The following CHD8 variants were observed in gnomAD, a reference collection of about 807,000 sequenced individuals.
The protein encoded by CHD8 is chromodomain helicase DNA binding protein 8.
CHD8 carries 31 observed loss-of-function variants against 279.2 expected under a neutral mutation model. The observed-to-expected ratio is 0.11, with a 90% confidence interval of 0.08 to 0.15. The LOEUF is 0.15. Ranked by LOEUF, CHD8 falls within the 10% of genes least tolerant of loss-of-function variation. CHD8 has a pLI of 1.00. For missense variants in CHD8, 2,146 were observed against 3,230.5 expected, an observed-to-expected ratio of 0.66 and a Z score of 8.14; for synonymous variants, 1,081 against 1,139.6, an observed-to-expected ratio of 0.95 and a Z score of 1.04.
intron 1 of CHD8, among the ~76,000 whole-genome samples, chr14:21,433,269 T>C (rs1469466984): frequency 6.6e-6 from 1 of 152,246 alleles, no homozygotes; most frequent in Non-Finnish European, 1.5e-5. Flanking sequence ...ACATGTCTTA[T>C]GAATGGCTGA....
intron 4 of CHD8, chr14:21,426,460 C>A: frequency 2.1e-6 from 1 of 474,156 alleles, no homozygotes; most frequent in East Asian, 3.6e-5. Flanking sequence ...TTTGACAAAT[C>A]CTTGTTATTA....
chr14:21,387,809 C>CAAAA (rs34063784), intron 37 of CHD8, among the ~76,000 whole-genome samples: 9 of 76,132 alleles, frequency 1.2e-4, no homozygotes, highest in African/African-American at 2.4e-4. Flanking sequence ...CTGTCTCAAG[C>CAAAA]AAAAAAAAAA....
rs1327458962 is a variant in CHD8 at position 21,403,243 on chromosome 14, G to A, written c.3519-31C>T. ...TGGGAATCGCAGAAAAAAAATGTAA[G>A]TGGCTAAGCAGAAGTGGAGACCAAA... On this transcript the variant is annotated intron_variant, in intron 17 of 37. Transcript: ENST00000646647. This position sits in a 1 kb window ranked among gnomAD's most constrained non-coding sequence, Gnocchi z 4.3. 4 of 1,602,674 alleles carry A rather than the reference G, an allele frequency of 2.5e-6. No individual in the cohort carries two copies. In the South Asian group the frequency reaches 4.4e-5, roughly 18 times the overall value.
chr14:21,411,959 G>A (rs1888511479), intron 10 of CHD8, among the ~76,000 whole-genome samples: 1 of 151,862 alleles, frequency 6.6e-6, no homozygotes, highest in South Asian at 2.1e-4. Flanking sequence ...AGCTATTCAG[G>A]AGGCTGAGGC....
At chr14:21,430,299 C>G (rs1302789717) in intron 2 of CHD8, 1 of 157,578 alleles carries the variant, frequency 6.3e-6, no homozygotes, top group African/African-American at 2.4e-5. Flanking sequence ...ATGCTAGAGC[C>G]TCTACCTTCT....
At chr14:21,428,933 C>T (rs1314489134) in intron 3 of CHD8, 31 bp downstream of exon 3, 4 of 1,607,452 alleles carry the variant, frequency 2.5e-6, no homozygotes, top group South Asian at 1.1e-5. Flanking sequence ...TTTTTGTTTT[C>T]TTTCTTTTCC....
chr14:21,431,932 G>A (rs982740362), intron 1 of CHD8, 74 bp from the exon 2 acceptor site: 23 of 919,504 alleles, frequency 2.5e-5, no homozygotes, highest in East Asian at 7.3e-5. Context: ...CCCTTCTTAC[G>A]TACTGTTCTT....
rs1377373892 is a variant in CHD8, at chr14:21,430,762, A to G, written c.843+39T>C. 5 of 1,422,372 alleles carry G rather than the reference A, an allele frequency of 3.5e-6. No individual in the cohort carries two copies. The African/African-American group carries it at 5.7e-5, about 16-fold the overall frequency. The allele number at this position is 1,422,372 out of a possible 1,614,324, so 88.1% of individuals were successfully genotyped here. ...CTCTCAAAGAGTTGCTGGGCCCTCT[A>G]TGAAACCAAAATTCACCTCCCCCTT... On this transcript the variant is annotated intron_variant, in intron 2 of 37. Transcript: ENST00000646647.
At chr14:21,446,000 A>G (rs775844800) in intron 1 of CHD8, among the ~76,000 whole-genome samples, 27 of 151,762 alleles carry the variant, frequency 1.8e-4, no homozygotes, top group Non-Finnish European at 2.7e-4. Flanking sequence ...CTCCGTCTCA[A>G]AAAAAAGATG....
At chr14:21,392,960 T>C (rs1295828811) in intron 33 of CHD8, 146 bp downstream of exon 33, 3 of 1,148,310 alleles carry the variant, frequency 2.6e-6, no homozygotes, top group East Asian at 2.5e-5. Flanking sequence ...CTAAGTCAAC[T>C]GGGAAGTTTC....
rs543558067 is a variant in CHD8 at position 21,429,271 on chromosome 14, C to T, written c.908G>A (p.Arg303Gln). Residue 303 changes from arginine to glutamine, a missense_variant, in exon 3 of 38, where the codon CGG (arginine) becomes CAG (glutamine). By Grantham distance (43) the Arg-to-Gln change is conservative. Transcript: ENST00000646647. The stretch of plus-strand genomic sequence containing the variant: ...TGGTAGACTCCCTAGCACAACATGC[C>T]GATGTCCTTGGGGACCTCCAGACTG... Reference protein sequence around the residue: ...QPQSGGPQGHRHVVLGSLPGK... With the variant: ...QPQSGGPQGHQHVVLGSLPGK... 59 of 1,610,962 alleles carry T rather than the reference C, an allele frequency of 3.7e-5. No homozygotes were observed. Among genetic ancestry groups the T allele is most frequent in the Non-Finnish European group, 4.6e-5 (54 of 1,177,708 alleles).
chr14:21,412,784 C>T, intron 10 of CHD8, 129 bp downstream of exon 10: 1 of 663,016 alleles, frequency 1.5e-6, no homozygotes. Flanking sequence ...AAGGATTCCA[C>T]AGAAAAATTT....
intron 4 of CHD8, 126 bp from the exon 5 acceptor site, chr14:21,426,368 A>G (rs1052413442): frequency 6.6e-6 from 4 of 607,026 alleles, no homozygotes; most frequent in African/African-American, 3.7e-5. Flanking sequence ...TTCAGTCAAT[A>G]GGACACACAG....
Position 21,395,023 on chromosome 14 carries a change from T to C in CHD8, c.5279A>G (p.Tyr1760Cys). 3 of 1,614,060 alleles carry C rather than the reference T, an allele frequency of 1.9e-6. No individual in the cohort carries two copies. The highest frequency in any genetic ancestry group is 2.5e-6 in the Non-Finnish European group (3 of 1,179,906). The change falls in exon 30 of 38, where the codon TAC becomes TGC. Residue 1760 changes from tyrosine (Y) to cysteine (C), a missense_variant. Physicochemically the swap from Tyr to Cys is radical, Grantham distance 194 (BLOSUM62 -2). This residue lies in a region of CHD8 where 513 missense variants were observed against 637.6 expected (regional missense o/e 0.80). Transcript: ENST00000646647. Reference protein sequence around the residue: ...RRLVTAYQRSYKREQMKIEAA... With the variant: ...RRLVTAYQRSCKREQMKIEAA... ...CTCTATCTTCATTTGTTCTCTCTTG[T>C]AGCTGCGCTGATACGCTGTTACTAG...
rs73579683 is a variant in CHD8, at chr14:21,436,982, G to A, written c.-215-5124C>T. 110 of 1,286,762 alleles carry A rather than the reference G, an allele frequency of 8.5e-5. No individual in the cohort carries two copies. In the African/African-American group the frequency reaches 1.4e-3, roughly 16 times the overall value. 79.7% of individuals were successfully genotyped at this position (1,286,762 alleles called of 1,614,324 possible). On this transcript the variant is annotated intron_variant, in intron 1 of 37. Transcript: ENST00000646647. ...TTCTGGTAACTGGAGACCCCAAAATGGAAATGAGGTACATGCACTTGAGGT... is the reference window on the plus strand; with the variant it reads ...TTCTGGTAACTGGAGACCCCAAAATAGAAATGAGGTACATGCACTTGAGGT...
intron 14 of CHD8, among the ~76,000 whole-genome samples, chr14:21,406,165 C>G (rs1888247363): frequency 6.6e-6 from 1 of 152,176 alleles, no homozygotes; most frequent in Admixed American, 6.5e-5. Context: ...TCTCCATATT[C>G]AACTCCCCAC....
intron 3 of CHD8, among the ~76,000 whole-genome samples, chr14:21,428,759 T>A (rs1407448625): frequency 6.6e-6 from 1 of 152,084 alleles, no homozygotes; most frequent in African/African-American, 2.4e-5. Context: ...TAATCTCATA[T>A]CCCAAACCCA....
chr14:21,423,534 C>CG (rs945309419), intron 5 of CHD8, among the ~76,000 whole-genome samples: 12 of 151,052 alleles, frequency 7.9e-5, no homozygotes, highest in African/African-American at 2.2e-4. Context: ...TTTTTTTTGG[C>CG]GGGGGGAGTC....
intron 36 of CHD8, 92 bp from the exon 37 acceptor site, chr14:21,391,155 A>C: frequency 6.9e-6 from 6 of 869,744 alleles, no homozygotes; most frequent in Non-Finnish European, 1.1e-5. Flanking sequence ...GATAATAAAC[A>C]CTTATTACAT....
Sources: allele counts gnomAD v4.1 joint callset (sites outside exome capture counted in the v4.1 genomes callset), GRCh38; gene constraint gnomAD v4.1.1; regional missense constraint gnomAD v4.1.1; non-coding constraint Gnocchi (gnomAD v3.1); transcripts MANE v1.5; gene names NCBI Gene and HGNC (gene_info 2026-07-23, HGNC 2026-07-21).